The following MAN2A1 variants were observed in gnomAD, a reference collection of about 807,000 sequenced individuals.
The protein encoded by MAN2A1 is mannosidase alpha class 2A member 1.
In MAN2A1, 76 loss-of-function variants were observed where a neutral mutation model predicts 142.6. That is an observed-to-expected ratio of 0.53 (90% CI 0.44 to 0.65). MAN2A1 has a LOEUF of 0.65. MAN2A1 is among the 30% of genes least tolerant of loss of function. The probability of loss-of-function intolerance (pLI) is 0.00; values close to 1 mark genes in which losing one functional copy is unlikely to be tolerated. For synonymous variants in MAN2A1, 559 were observed against 473.2 expected (o/e 1.18, Z -2.35); for missense variants, 1,311 against 1,365.1 (o/e 0.96, Z 0.62).
rs902843184 is a variant in MAN2A1 at position 109,776,949 on chromosome 5, T to C, written c.1374+1984T>C. On this transcript the variant is annotated intron_variant, in intron 8 of 21. Transcript: ENST00000261483. ...CATTCCTTTTTAGTACTGTGTAGTA[T>C]CTCTAGTATTCATTTTTTGATGAAT... Among the ~76,000 whole-genome samples, 13 of 152,288 alleles carry C rather than the reference T, an allele frequency of 8.5e-5. No individual in the cohort carries two copies. The East Asian group carries it at 2.5e-3, about 29-fold the overall frequency.
At chr5:109,780,904 G>C (rs2112665781) in intron 8 of MAN2A1, among the ~76,000 whole-genome samples, 1 of 152,180 alleles carries the variant, frequency 6.6e-6, no homozygotes. Flanking sequence ...GAACTCAACT[G>C]GGGGAAAACG....
At chr5:109,849,447 C>T (rs1041576982) in intron 19 of MAN2A1, among the ~76,000 whole-genome samples, 4 of 152,178 alleles carry the variant, frequency 2.6e-5, no homozygotes, top group Admixed American at 2.0e-4. Context: ...CCCCAGTCAA[C>T]AGCCACCGCC....
chr5:109,823,324 C>G (rs1754676144), intron 15 of MAN2A1, among the ~76,000 whole-genome samples: 1 of 152,098 alleles, frequency 6.6e-6, no homozygotes, highest in African/African-American at 2.4e-5. Flanking sequence ...ATCCTTGCCA[C>G]CTGTCCCAAA....
At chr5:109,759,143 A>G (rs749626870) in intron 5 of MAN2A1, among the ~76,000 whole-genome samples, 7 of 152,112 alleles carry the variant, frequency 4.6e-5, no homozygotes, top group Non-Finnish European at 1.0e-4. Flanking sequence ...CTGTAGGTCA[A>G]TCTGGGGGAA....
intron 2 of MAN2A1, 54 bp downstream of exon 2, chr5:109,713,828 T>C: frequency 1.3e-6 from 2 of 1,528,594 alleles, no homozygotes; most frequent in Non-Finnish European, 1.8e-6. Context: ...TTGTTCTTTT[T>C]AAGATTTGAC....
At chr5:109,779,002 G>A (rs1046799388) in intron 8 of MAN2A1, among the ~76,000 whole-genome samples, 3 of 152,032 alleles carry the variant, frequency 2.0e-5, no homozygotes, top group Non-Finnish European at 2.9e-5. Context: ...TAAGATTAAA[G>A]TTGTTGCCTT....
At chr5:109,783,299 A>T (rs1248780672) in intron 9 of MAN2A1, among the ~76,000 whole-genome samples, 1 of 152,192 alleles carries the variant, frequency 6.6e-6, no homozygotes, top group Non-Finnish European at 1.5e-5. Flanking sequence ...TTGTCTGAAA[A>T]TAGTAATATT....
intron 1 of MAN2A1, among the ~76,000 whole-genome samples, chr5:109,704,192 G>C (rs192016070): frequency 6.6e-6 from 1 of 152,210 alleles, no homozygotes; most frequent in Admixed American, 6.5e-5. Flanking sequence ...TGGAGTCCCA[G>C]CTTTTCCCTT....
In MAN2A1 at chr5:109,690,374, C is replaced by T. The variant is rs753612936; in HGVS notation, c.-44C>T. ...CCTAGAGTCCACAGTGCGCTGTCTC[C>T]TTTGGCTGAGGAGAGTGTCCTGGCC... On this transcript the variant is annotated 5_prime_UTR_variant, in exon 1 of 22. Coordinates refer to ENST00000261483, the MANE Select transcript of MAN2A1 (RefSeq NM_002372.4). 6.8e-6 allele frequency: 11 copies of T among 1,612,700 alleles called. No individual in the cohort carries two copies. Among genetic ancestry groups the T allele is most frequent in the Admixed American group, 5.0e-5 (3 of 60,010 alleles).
intron 7 of MAN2A1, among the ~76,000 whole-genome samples, chr5:109,772,391 T>G (rs918254279): frequency 1.3e-5 from 2 of 152,140 alleles, no homozygotes; most frequent in Non-Finnish European, 2.9e-5. Flanking sequence ...ACAAACAAAC[T>G]TCTTACAAGT....
chr5:109,792,796 G>A (rs2112683602), intron 12 of MAN2A1, among the ~76,000 whole-genome samples: 1 of 152,058 alleles, frequency 6.6e-6, no homozygotes, highest in African/African-American at 2.4e-5. Flanking sequence ...GTTGGCTGAG[G>A]GTTCAGTTGG....
chr5:109,755,802 T>C (rs1157464767), intron 5 of MAN2A1, among the ~76,000 whole-genome samples: 1 of 152,052 alleles, frequency 6.6e-6, no homozygotes, highest in Non-Finnish European at 1.5e-5. Flanking sequence ...AAGAAAGATA[T>C]TCATTATGTC....
intron 16 of MAN2A1, among the ~76,000 whole-genome samples, chr5:109,832,543 G>A (rs550269185): frequency 6.6e-6 from 1 of 152,286 alleles, no homozygotes; most frequent in Admixed American, 6.5e-5. Flanking sequence ...TCTTAGTACA[G>A]CACAAAATGG....
At chr5:109,802,771 C>G (rs1296506195) in intron 12 of MAN2A1, among the ~76,000 whole-genome samples, 1 of 151,898 alleles carries the variant, frequency 6.6e-6, no homozygotes, top group Non-Finnish European at 1.5e-5. Flanking sequence ...TGCGAGAATT[C>G]ATTCCTTGAC....
At chr5:109,744,487 A>C (rs1752347831) in intron 4 of MAN2A1, among the ~76,000 whole-genome samples, 2 of 151,974 alleles carry the variant, frequency 1.3e-5, no homozygotes, top group Admixed American at 1.3e-4. Context: ...GCAGTTGGGG[A>C]GGGTGGGCAG....
At chr5:109,825,559 G>A (rs1054129620) in intron 16 of MAN2A1, among the ~76,000 whole-genome samples, 1 of 152,214 alleles carries the variant, frequency 6.6e-6, no homozygotes, top group African/African-American at 2.4e-5. Context: ...TCATAGGGCA[G>A]TTTGTGTAGA....
In MAN2A1 at chr5:109,694,264, T is replaced by G. The variant is rs534535346; in HGVS notation, c.135+3712T>G. Among the ~76,000 whole-genome samples the G allele has an allele frequency of 2.0e-5, 3 of 152,342 alleles. No individual in the cohort carries two copies. In the South Asian group the frequency reaches 6.2e-4, roughly 32 times the overall value. Reference sequence around the variant, plus strand: ...ACTTTATCTTTTTGCCTATGTAACATTTATCAAGTGAGAAAGTGAGAATGC... The same window carrying G: ...ACTTTATCTTTTTGCCTATGTAACAGTTATCAAGTGAGAAAGTGAGAATGC... On this transcript the variant is annotated intron_variant, in intron 1 of 21. Transcript: ENST00000261483.
At chr5:109,703,682 A>G (rs1461479330) in intron 1 of MAN2A1, among the ~76,000 whole-genome samples, 1 of 152,242 alleles carries the variant, frequency 6.6e-6, no homozygotes, top group Non-Finnish European at 1.5e-5. Context: ...CTGTTAGTCA[A>G]CAGTTAATAT....
chr5:109,832,540 A>G (rs550320431), intron 16 of MAN2A1, among the ~76,000 whole-genome samples: 277 of 152,290 alleles, frequency 1.8e-3, no homozygotes, highest in Non-Finnish European at 3.1e-3. Flanking sequence ...TTTTCTTAGT[A>G]CAGCACAAAA....
Sources: gnomAD v4.1 joint callset for allele counts (sites outside exome capture counted in the v4.1 genomes callset) on GRCh38, gnomAD v4.1.1 for gene constraint, MANE v1.5 for transcripts, NCBI Gene and HGNC (gene_info 2026-07-23, HGNC 2026-07-21) for gene names.